The following WAPL variants were observed in gnomAD, a reference collection of about 807,000 sequenced individuals.
The protein encoded by WAPL is WAPL cohesin release factor, also known as wings apart-like protein homolog.
In WAPL, 5 loss-of-function variants were observed where a neutral mutation model predicts 121.0. The observed-to-expected ratio is 0.04, with a 90% CI of 0.02 to 0.09. The LOEUF is 0.09. Among genes scored for constraint, WAPL ranks in the 10% least tolerant of loss-of-function variants. The pLI is 1.00. For missense variants in WAPL, 999 were observed against 1,410.8 expected, an observed-to-expected ratio of 0.71 and a Z score of 4.68; for synonymous variants, 480 against 481.5, an observed-to-expected ratio of 1.00 and a Z score of 0.04.
intron 4 of WAPL, among the ~76,000 whole-genome samples, chr10:86,491,339 C>T (rs1056878518): frequency 1.3e-5 from 2 of 151,642 alleles, no homozygotes; most frequent in Non-Finnish European, 2.9e-5. Context: ...CGGGATTTCA[C>T]CGTGTTAGCC....
At chr10:86,509,677 G>A (rs1052361232) in intron 2 of WAPL, among the ~76,000 whole-genome samples, 2 of 152,038 alleles carry the variant, frequency 1.3e-5, no homozygotes, top group Non-Finnish European at 1.5e-5. Flanking sequence ...TACCATCAGG[G>A]GTCTAGGAAA....
Position 86,491,573 on chromosome 10 carries a change from A to G in WAPL, c.1644+5628T>C, listed in dbSNP as rs182041995. 4.8e-4 allele frequency among the ~76,000 whole-genome samples: 73 copies of G among 152,316 alleles called. 2 individuals are homozygous for G. The highest frequency in any genetic ancestry group is 4.6e-3 in the Admixed American group (71 of 15,298). ...AGAACCAAGGTTCCTAGAAAAACAC[A>G]TGACTCCATGACTTAAAACAGGGAA... On this transcript the variant is annotated intron_variant, in intron 4 of 18. Transcript: ENST00000298767.
intron 4 of WAPL, among the ~76,000 whole-genome samples, chr10:86,478,118 T>C (rs1286923549): frequency 3.5e-5 from 2 of 57,278 alleles, no homozygotes; most frequent in African/African-American, 1.6e-4. Context: ...TACCTAAACT[T>C]TTTTCTGTAT....
At chr10:86,513,519 A>G (rs1842503970) in intron 2 of WAPL, among the ~76,000 whole-genome samples, 1 of 149,346 alleles carries the variant, frequency 6.7e-6, no homozygotes, top group South Asian at 2.1e-4. Flanking sequence ...TTTTTTTAGT[A>G]AAGACGGGGT....
At chr10:86,473,659 TTTCA>T (rs1356023490) in intron 5 of WAPL, among the ~76,000 whole-genome samples, 2 of 152,198 alleles carry the variant, frequency 1.3e-5, no homozygotes, top group African/African-American at 4.8e-5. Flanking sequence ...TTTTTATGGC[TTTCA>T]TTGTTTAACC....
At chr10:86,500,815 G>C in intron 2 of WAPL, 72 bp from the exon 3 acceptor site, 5 of 1,224,780 alleles carry the variant, frequency 4.1e-6, no homozygotes, top group Non-Finnish European at 5.5e-6. Flanking sequence ...CATATATGTG[G>C]TTAATCAATA....
intron 4 of WAPL, among the ~76,000 whole-genome samples, chr10:86,478,409 G>A (rs1033990580): frequency 6.6e-6 from 1 of 152,120 alleles, no homozygotes; most frequent in African/African-American, 2.4e-5. Flanking sequence ...TCCAGCCTGG[G>A]TGACAGAGCG....
At chr10:86,500,891 T>C in intron 2 of WAPL, 148 bp from the exon 3 acceptor site, 1 of 741,548 alleles carries the variant, frequency 1.3e-6, no homozygotes, top group East Asian at 2.8e-5. Context: ...CATTTACATA[T>C]CAGACATTTC....
intron 4 of WAPL, 129 bp from the exon 5 acceptor site, chr10:86,474,102 TCCCA>T: frequency 1.4e-6 from 1 of 702,736 alleles, no homozygotes; most frequent in South Asian, 1.8e-5. Context: ...CTGGGAACAG[TCCCA>T]CCATAATTCC....
At chr10:86,489,322 T>C (rs1224723862) in intron 4 of WAPL, among the ~76,000 whole-genome samples, 7 of 152,208 alleles carry the variant, frequency 4.6e-5, no homozygotes, top group Non-Finnish European at 1.0e-4. Flanking sequence ...CTGGGACAAA[T>C]GCTGAAATTT....
At chr10:86,467,011 C>A in intron 9 of WAPL, 2 of 335,424 alleles carry the variant, frequency 6.0e-6, no homozygotes, top group Non-Finnish European at 5.5e-6. Context: ...CCTTTTTTTT[C>A]TTAAAAAATA....
chr10:86,462,841 T>C (rs565494704), intron 9 of WAPL, among the ~76,000 whole-genome samples: 2 of 152,102 alleles, frequency 1.3e-5, no homozygotes, highest in Non-Finnish European at 2.9e-5. Context: ...AAGAGTAATT[T>C]AGACTGGTTC....
rs2132174339 is a variant in WAPL, at chr10:86,453,665, T to C, written c.2824A>G (p.Asn942Asp). 6.2e-7 allele frequency: 1 copy of C among 1,601,344 alleles called. No homozygotes were observed. Among genetic ancestry groups the C allele is most frequent in the South Asian group, 1.1e-5 (1 of 88,332 alleles). The change falls in exon 13 of 19, where the codon AAT (asparagine) becomes GAT (aspartate). Residue 942 changes from asparagine to aspartate, a missense_variant. By Grantham distance (23) the Asn-to-Asp change is conservative (BLOSUM62 1). Around this residue, in one of 7 missense-constraint regions of WAPL, gnomAD observed 85 missense variants for 133.5 expected, o/e 0.64. Coordinates refer to ENST00000298767, the MANE Select transcript of WAPL (RefSeq NM_015045.5). Reference sequence around the variant, plus strand: ...TGGAAAAAAATCTTACCATTATCATTAGTTAAATTAAGCAACACCCCGATG... The same window carrying C: ...TGGAAAAAAATCTTACCATTATCATCAGTTAAATTAAGCAACACCCCGATG... ...AIIGVLLNLT[N>D]DNEWGSTKTG...
chr10:86,451,607 G>A (rs1564564008), intron 15 of WAPL, among the ~76,000 whole-genome samples: 1 of 152,070 alleles, frequency 6.6e-6, no homozygotes, highest in Non-Finnish European at 1.5e-5. Context: ...TGGTCAGGCT[G>A]GTCTTGAACT....
chr10:86,441,020 C>T (rs1849457313), intron 17 of WAPL, among the ~76,000 whole-genome samples: 1 of 152,062 alleles, frequency 6.6e-6, no homozygotes, highest in Admixed American at 6.6e-5. Context: ...TAACTCTGTT[C>T]TTCCAGTCCT....
At chr10:86,468,267 G>C (rs1841448327) in intron 8 of WAPL, among the ~76,000 whole-genome samples, 1 of 151,968 alleles carries the variant, frequency 6.6e-6, no homozygotes, top group Admixed American at 6.5e-5. Context: ...GCACATATCA[G>C]CTCACTGTAG....
intron 2 of WAPL, among the ~76,000 whole-genome samples, chr10:86,510,617 G>A (rs778151882): frequency 1.3e-5 from 2 of 152,164 alleles, no homozygotes; most frequent in Non-Finnish European, 2.9e-5. Flanking sequence ...TACAAACCTT[G>A]AGAATAATAC....
At chr10:86,460,310 G>A (rs2132181226) in intron 11 of WAPL, 89 bp downstream of exon 11, 2 of 999,296 alleles carry the variant, frequency 2.0e-6, no homozygotes, top group South Asian at 2.7e-5. Flanking sequence ...AACCTCCAGG[G>A]GTATATAAAA....
chr10:86,520,332 C>A (rs1842650398), intron 1 of WAPL, among the ~76,000 whole-genome samples: 1 of 152,068 alleles, frequency 6.6e-6, no homozygotes, highest in South Asian at 2.1e-4. Flanking sequence ...AATTTTGTGC[C>A]AAAAGACCAC....
Sources: allele counts gnomAD v4.1 joint callset (sites outside exome capture counted in the v4.1 genomes callset), GRCh38; gene constraint gnomAD v4.1.1; regional missense constraint gnomAD v4.1.1; transcripts MANE v1.5; gene names NCBI Gene and HGNC (gene_info 2026-07-23, HGNC 2026-07-21).